Variants in TLE2 observed in about 807,000 individuals in gnomAD.
The protein encoded by TLE2 is transducin-like enhancer protein 2.
TLE2 carries 74 observed loss-of-function variants against 97.2 expected under a neutral mutation model. The ratio of observed to expected loss-of-function variants is 0.76; its 90% CI spans 0.63 to 0.92. The LOEUF (loss-of-function observed/expected upper bound fraction) is 0.92. Ranked by LOEUF, TLE2 falls within the 40% of genes least tolerant of loss-of-function variation. TLE2 has a pLI of 0.00. For missense variants in TLE2, 1,038 were observed against 1,008.7 expected (o/e 1.03, Z -0.39); for synonymous variants, 499 against 432.1 (o/e 1.15, Z -1.92).
In TLE2 at chr19:3,002,385, CT is replaced by C. The variant is rs1469087655; in HGVS notation, c.2014del (p.Ser672AlafsTer6). On this transcript the variant is annotated frameshift_variant, in exon 18 of 20. Transcript: ENST00000262953. LOFTEE classifies it high-confidence loss of function. ...PEKYQLHLHE[S>X]CVLSLKFASC... ...GGCAAACTTCAGGGACAGCACGCAG[CT>C]CTCGTGGAGGTGCAGCTGGTATTTC... is the stretch of plus-strand genomic sequence containing the variant. The C allele has an allele frequency of 1.9e-6, 3 of 1,613,602 alleles. No homozygotes were observed. Among genetic ancestry groups the C allele is most frequent in the Non-Finnish European group, 2.5e-6 (3 of 1,179,844 alleles).
chr19:3,023,760 T>C (rs796329261), intron 5 of TLE2, among the ~76,000 whole-genome samples: 9 of 151,450 alleles, frequency 5.9e-5, no homozygotes, highest in African/African-American at 2.2e-4. Context: ...GGCGTGGTGG[T>C]GCACGCCTGT....
chr19:3,005,254 C>T (rs1352205719), intron 17 of TLE2, among the ~76,000 whole-genome samples, 183 bp downstream of exon 17: 1 of 152,122 alleles, frequency 6.6e-6, no homozygotes, highest in Admixed American at 6.6e-5. Context: ...TTTGTGTTCC[C>T]CTACATCTTT....
At chr19:3,028,098 G>A (rs946420444) in intron 3 of TLE2, among the ~76,000 whole-genome samples, 19 of 152,066 alleles carry the variant, frequency 1.2e-4, no homozygotes, top group Non-Finnish European at 2.9e-5. Flanking sequence ...AGTGTCCAGA[G>A]GCCCTGGCCC....
Position 3,006,736 on chromosome 19 carries a change from C to A in TLE2, c.1251-67G>T, listed in dbSNP as rs748320242. On this transcript the variant is annotated intron_variant, in intron 14 of 19. Transcript: ENST00000262953. The stretch of plus-strand genomic sequence containing the variant: ...GCCCCCGCACCCGCACCTGGGAGGG[C>A]AGGGAGACGCCTTTGTCCTGCCTGG... 55 of 1,516,878 alleles carry A rather than the reference C, an allele frequency of 3.6e-5. No homozygotes were observed. In the Admixed American group the frequency reaches 1.2e-3, roughly 33 times the overall value. The allele number at this position is 1,516,878 out of a possible 1,614,324, so 94.0% of individuals were successfully genotyped here.
chr19:3,029,569 G>GGGA, upstream of TLE2: 5 of 698,680 alleles, frequency 7.2e-6, no homozygotes, highest in Non-Finnish European at 8.8e-6. Flanking sequence ...GGGGGGGGGG[G>GGGA]CTTGCGGGGA....
At chr19:3,029,352 A>C (rs1050452764), upstream of TLE2, among the ~76,000 whole-genome samples, 58 of 80,712 alleles carry the variant, frequency 7.2e-4, no homozygotes, top group South Asian at 5.6e-3. Flanking sequence ...CCCCGCGCCC[A>C]CCCCCGCGCA....
intron 8 of TLE2, among the ~76,000 whole-genome samples, chr19:3,016,715 G>T (rs190444058): frequency 7.6e-4 from 115 of 152,258 alleles, no homozygotes; most frequent in Admixed American, 3.6e-3. Flanking sequence ...CGGAAGTGAG[G>T]ATGGGAAGAA....
intron 5 of TLE2, among the ~76,000 whole-genome samples, chr19:3,024,562 T>A (rs1231143652): frequency 1.3e-5 from 2 of 152,072 alleles, no homozygotes; most frequent in African/African-American, 4.8e-5. Context: ...CTCAGTGACT[T>A]CTTCTAGCAA....
upstream of TLE2, chr19:3,029,560 G>T (rs922448956): frequency 2.8e-4 from 203 of 728,268 alleles, 4 homozygotes; most frequent in Non-Finnish European, 3.2e-4. Flanking sequence ...CGTGGGAGCG[G>T]GGGGGGGGGC....
intron 14 of TLE2, 27 bp from the exon 15 acceptor site, chr19:3,006,696 A>C (rs1290702205): frequency 1.3e-6 from 2 of 1,559,418 alleles, no homozygotes; most frequent in Admixed American, 3.6e-5. Flanking sequence ...GGCATGACCC[A>C]GCCCTGGGCA....
At chr19:3,044,714 C>A (rs918596871) in intron 1 of TLE2, among the ~76,000 whole-genome samples, 3 of 152,360 alleles carry the variant, frequency 2.0e-5, no homozygotes, top group African/African-American at 7.2e-5. Context: ...GCCACTGTGC[C>A]TGGCCTTCAC....
chr19:3,042,091 G>GGGGAGCGCA (rs1285670135), intron 1 of TLE2, among the ~76,000 whole-genome samples: 13 of 150,190 alleles, frequency 8.7e-5, no homozygotes, highest in Non-Finnish European at 1.5e-5. Context: ...CGGGGAGTAG[G>GGGGAGCGCA]GGGAGCGCAG....
At chr19:3,015,554 A>C in intron 9 of TLE2, 99 bp downstream of exon 9, 2 of 926,600 alleles carry the variant, frequency 2.2e-6, no homozygotes, top group Non-Finnish European at 1.7e-6. Context: ...CTCCGGAGTG[A>C]GAGAATTATG....
chr19:3,032,368 G>C (rs1410772102), upstream of TLE2, among the ~76,000 whole-genome samples: 1 of 152,108 alleles, frequency 6.6e-6, no homozygotes, highest in Non-Finnish European at 1.5e-5. This position sits in a 1 kb window ranked among gnomAD's most constrained non-coding sequence, Gnocchi z 4.1. Flanking sequence ...CTCCCGAATA[G>C]CTGGGATTAC....
intron 5 of TLE2, among the ~76,000 whole-genome samples, chr19:3,023,647 C>T (rs1178252737): frequency 1.3e-5 from 2 of 152,064 alleles, no homozygotes. Context: ...GTAAACCCAA[C>T]ACTCGGAGCC....
At position 3,011,072 on chromosome 19, in the gene TLE2, C is replaced by G. The variant is rs775503525; in HGVS notation, c.962G>C (p.Ser321Thr). 28 of 1,608,086 alleles carry G rather than the reference C, an allele frequency of 1.7e-5. No individual in the cohort carries two copies. The highest frequency in any genetic ancestry group is 6.7e-5 in the South Asian group (6 of 90,218). The change falls in exon 12 of 20, where the codon AGT (serine) becomes ACT (threonine). Residue 321 changes from serine (S) to threonine (T), a missense_variant. By Grantham distance (58) the Ser-to-Thr change is moderately conservative. Transcript: ENST00000262953. Reference sequence around the variant, plus strand: ...CTTGGCAGCAAGCTGGCAGAGGTGACTGGCCGAGCTGGGCCCGGGGGTGGA... The same window carrying G: ...CTTGGCAGCAAGCTGGCAGAGGTGAGTGGCCGAGCTGGGCCCGGGGGTGGA... ...DASTPGPSSA[S>T]HLCQLAAKPA...
chr19:3,037,062 A>T (rs1599254667), intron 1 of TLE2, among the ~76,000 whole-genome samples: 1 of 152,202 alleles, frequency 6.6e-6, no homozygotes, highest in Admixed American at 6.5e-5. Context: ...AGGCAGGCGG[A>T]TCACCTGAGG....
intron 1 of TLE2, among the ~76,000 whole-genome samples, chr19:3,034,406 C>T (rs1185968809): frequency 6.6e-6 from 1 of 151,878 alleles, no homozygotes; most frequent in Non-Finnish European, 1.5e-5. Context: ...GCACTGGAAC[C>T]TCTGCAACCC....
Position 3,027,850 on chromosome 19 carries a change from G to T in TLE2, c.210C>A (p.Leu70=), listed in dbSNP as rs374626323. Residue 70 remains leucine, a synonymous_variant, in exon 4 of 20, where the codon CTC becomes CTA. Transcript: ENST00000262953. ...YVMYYEMSYG[L]NIEMHKQAEI... ...TTACCTGCTTATGCATTTCAATGTT[G>T]AGCCCGTACGACATCTCATAATACT... is the stretch of plus-strand genomic sequence containing the variant. 4.0e-5 allele frequency: 64 copies of T among 1,611,464 alleles called. No individual in the cohort carries two copies. The highest frequency in any genetic ancestry group is 8.5e-6 in the Non-Finnish European group (10 of 1,179,090).
Sources: allele counts gnomAD v4.1 joint callset (sites outside exome capture counted in the v4.1 genomes callset), GRCh38; gene constraint gnomAD v4.1.1; non-coding constraint Gnocchi (gnomAD v3.1); transcripts MANE v1.5; gene names NCBI Gene and HGNC (gene_info 2026-07-23, HGNC 2026-07-21).